The following FGF12 variants were observed in gnomAD, a reference collection of about 807,000 sequenced individuals.
FGF12 encodes the protein fibroblast growth factor 12B.
FGF12 carries 14 observed loss-of-function variants against 23.6 expected under a neutral mutation model. That is an observed-to-expected ratio of 0.59 (90% CI 0.39 to 0.93). The LOEUF is 0.93. Among genes scored for constraint, FGF12 ranks in the 40% least tolerant of loss-of-function variants. FGF12 has a pLI of 0.00. For synonymous variants in FGF12, 62 were observed against 77.3 expected, an observed-to-expected ratio of 0.80 and a Z score of 1.04; for missense variants, 175 against 217.8, an observed-to-expected ratio of 0.80 and a Z score of 1.24.
At chr3:192,423,150 C>A (rs1289486752) in intron 2 of FGF12, among the ~76,000 whole-genome samples, 2 of 152,144 alleles carry the variant, frequency 1.3e-5, no homozygotes, top group Non-Finnish European at 2.9e-5. Flanking sequence ...GCTTCTGAAG[C>A]AGAATCAGGC....
chr3:192,303,052 T>C (rs1033984524), intron 4 of FGF12, among the ~76,000 whole-genome samples: 3 of 152,212 alleles, frequency 2.0e-5, no homozygotes, highest in African/African-American at 7.2e-5. Context: ...AAATGATGTG[T>C]GCCCAGAGTC....
intron 2 of FGF12, among the ~76,000 whole-genome samples, chr3:192,550,932 C>T (rs949750245): frequency 3.9e-5 from 6 of 152,102 alleles, no homozygotes; most frequent in Non-Finnish European, 5.9e-5. Flanking sequence ...CTCCCTGGAA[C>T]GCATGTAACT....
At chr3:192,616,219 C>A (rs1417278902) in intron 2 of FGF12, among the ~76,000 whole-genome samples, 3 of 151,866 alleles carry the variant, frequency 2.0e-5, no homozygotes, top group East Asian at 1.9e-4. Flanking sequence ...ATTGTCACAG[C>A]CTCAGAGAAG....
intron 4 of FGF12, among the ~76,000 whole-genome samples, chr3:192,254,671 A>C (rs922991222): frequency 6.6e-6 from 1 of 152,058 alleles, no homozygotes; most frequent in African/African-American, 2.4e-5. Flanking sequence ...GGCAAAAGCC[A>C]AGATTCTCAG....
intron 4 of FGF12, among the ~76,000 whole-genome samples, chr3:192,288,476 T>C (rs558625802): frequency 6.6e-6 from 1 of 152,230 alleles, no homozygotes; most frequent in South Asian, 2.1e-4. Context: ...TACTAAATTA[T>C]GGTATGCTCT....
chr3:192,440,386 A>T (rs556320698), intron 2 of FGF12, among the ~76,000 whole-genome samples: 1 of 152,278 alleles, frequency 6.6e-6, no homozygotes, highest in Admixed American at 6.5e-5. Flanking sequence ...AGCTCAGGTG[A>T]AAGACACAAG....
At chr3:192,157,340 C>T (rs371260359) in intron 5 of FGF12, among the ~76,000 whole-genome samples, 3 of 152,316 alleles carry the variant, frequency 2.0e-5, no homozygotes, top group African/African-American at 7.2e-5. Flanking sequence ...TATATTGACT[C>T]TGTGATGATA....
At chr3:192,235,278 A>G (rs1272551513) in intron 4 of FGF12, among the ~76,000 whole-genome samples, 1 of 152,058 alleles carries the variant, frequency 6.6e-6, no homozygotes, top group Non-Finnish European at 1.5e-5. Flanking sequence ...CGGAGGTTGT[A>G]TGTTTTCAGG....
chr3:192,383,197 A>G (rs1229591316), intron 2 of FGF12, among the ~76,000 whole-genome samples: 1 of 152,128 alleles, frequency 6.6e-6, no homozygotes, highest in Non-Finnish European at 1.5e-5. Flanking sequence ...ATGGAAGACA[A>G]AACCCAGAGT....
At chr3:192,460,400 A>G (rs1722824715) in intron 2 of FGF12, among the ~76,000 whole-genome samples, 1 of 152,168 alleles carries the variant, frequency 6.6e-6, no homozygotes, top group African/African-American at 2.4e-5. Flanking sequence ...ACAGCCTCAG[A>G]GCGGAGCTAG....
At chr3:192,640,317 T>C (rs1715743959) in intron 2 of FGF12, among the ~76,000 whole-genome samples, 1 of 152,160 alleles carries the variant, frequency 6.6e-6, no homozygotes, top group African/African-American at 2.4e-5. Flanking sequence ...CATCATGTTG[T>C]ATATATCAAA....
chr3:192,207,871 G>C (rs554119201), intron 4 of FGF12, among the ~76,000 whole-genome samples: 1 of 152,164 alleles, frequency 6.6e-6, no homozygotes, highest in Non-Finnish European at 1.5e-5. Flanking sequence ...TTTCAGACAC[G>C]CTGAAGTGGA....
chr3:192,437,771 C>T (rs910627626), intron 2 of FGF12, among the ~76,000 whole-genome samples: 7 of 152,006 alleles, frequency 4.6e-5, no homozygotes, highest in Non-Finnish European at 1.0e-4. Context: ...AGTTCCAAAT[C>T]TATTCCTTCA....
intron 2 of FGF12, among the ~76,000 whole-genome samples, chr3:192,381,195 A>G (rs2108753353): frequency 6.6e-6 from 1 of 152,252 alleles, no homozygotes; most frequent in East Asian, 1.9e-4. Context: ...ATCTTGACAG[A>G]CACATTTCTC....
At chr3:192,539,879 G>A (rs71312498) in intron 2 of FGF12, among the ~76,000 whole-genome samples, 6,502 of 151,696 alleles carry the variant, frequency 0.043, 209 homozygotes, top group East Asian at 0.1. Context: ...AATCTTGGTG[G>A]GTTATATGCA....
At chr3:192,299,763 G>A (rs375442603) in intron 4 of FGF12, among the ~76,000 whole-genome samples, 3 of 152,160 alleles carry the variant, frequency 2.0e-5, no homozygotes, top group African/African-American at 7.2e-5. Context: ...CAGACTATGA[G>A]GAGAACGACT....
intron 2 of FGF12, among the ~76,000 whole-genome samples, chr3:192,702,454 C>T (rs76234286): frequency 0.037 from 5,589 of 152,166 alleles, 369 homozygotes; most frequent in African/African-American, 0.13. Flanking sequence ...TTCTTATAGC[C>T]TTCTTATTTA....
At chr3:192,554,424 G>A (rs1711669182) in intron 2 of FGF12, among the ~76,000 whole-genome samples, 1 of 152,142 alleles carries the variant, frequency 6.6e-6, no homozygotes, top group African/African-American at 2.4e-5. Flanking sequence ...ACACATTAGA[G>A]GGAGAAAGAG....
chr3:192,651,074 A>G (rs1716199080), intron 2 of FGF12, among the ~76,000 whole-genome samples: 1 of 152,220 alleles, frequency 6.6e-6, no homozygotes, highest in African/African-American at 2.4e-5. Context: ...TTGTATTCGT[A>G]GGCACAGACA....
Sources: gnomAD v4.1 joint callset for allele counts (sites outside exome capture counted in the v4.1 genomes callset) on GRCh38, gnomAD v4.1.1 for gene constraint, MANE v1.5 for transcripts, NCBI Gene and HGNC (gene_info 2026-07-23, HGNC 2026-07-21) for gene names.